The following SLC22A7 variants were observed in gnomAD, a reference collection of about 807,000 sequenced individuals.
SLC22A7 encodes hOAT2.
A neutral mutation model predicts 62.2 loss-of-function variants in SLC22A7; 48 were observed. The observed-to-expected ratio is 0.77, with a 90% CI of 0.61 to 0.98. SLC22A7 has a LOEUF of 0.98. Among genes scored for constraint, SLC22A7 ranks in the 50% least tolerant of loss-of-function variants. The pLI is 0.00. For synonymous variants in SLC22A7, 276 were observed against 314.8 expected (o/e 0.88, Z 1.30); for missense variants, 581 against 703.8 (o/e 0.83, Z 1.97).
chr6:43,304,461 T>C, intron 10 of SLC22A7: 2 of 587,830 alleles, frequency 3.4e-6, no homozygotes, highest in Non-Finnish European at 5.9e-6. Context: ...TGAACACAAA[T>C]ACATAAGGTT....
upstream of SLC22A7, among the ~76,000 whole-genome samples, chr6:43,296,002 T>G (rs932834677): frequency 6.6e-6 from 1 of 152,208 alleles, no homozygotes; most frequent in African/African-American, 2.4e-5. Context: ...ACCTCCCAGA[T>G]TCAAGCAATT....
At chr6:43,304,484 G>T (rs955431309) in intron 10 of SLC22A7, 187 bp from the exon 11 acceptor site, 1 of 599,516 alleles carries the variant, frequency 1.7e-6, no homozygotes, top group African/African-American at 1.9e-5. Context: ...TCAGGAAGAT[G>T]TGTATGTGTG....
rs536371304 is a variant in SLC22A7 at position 43,298,630 on chromosome 6, A to G, written c.272A>G (p.Asn91Ser). 2.5e-6 allele frequency: 4 copies of G among 1,595,786 alleles called. No homozygotes were observed. The highest frequency in any genetic ancestry group is 2.3e-5 in the South Asian group (2 of 88,074). The change falls in exon 1 of 11, where the codon AAC becomes AGC. Residue 91 changes from asparagine to serine, a missense_variant. Asn to Ser is a conservative substitution (Grantham distance 46). Transcript: ENST00000372585. ...LRFAYPQALP[N>S]TTLGEERQSR... ...TTTGCCTATCCCCAGGCTCTCCCCAACACCACGTTGGGGGAAGAAAGGCAG... is the reference window on the plus strand; with the variant it reads ...TTTGCCTATCCCCAGGCTCTCCCCAGCACCACGTTGGGGGAAGAAAGGCAG...
chr6:43,302,478 C>A lies in SLC22A7; in HGVS notation c.1276+64C>A. 7.1e-7 allele frequency: 1 copy of A among 1,406,078 alleles called. No individual in the cohort carries two copies. The highest frequency in any genetic ancestry group is 9.6e-7 in the Non-Finnish European group (1 of 1,046,044). 87.1% of individuals were successfully genotyped at this position (1,406,078 alleles called of 1,614,324 possible). A position where few individuals can be genotyped will look rare whatever the true frequency, so the allele number is the denominator to read the frequency against. ...CGGGCCAGGAACCCTGCCCACTCCC[C>A]GGAGACCCCACCTCCTGGCCAAGAA... On this transcript the variant is annotated intron_variant, in intron 8 of 10. Coordinates refer to ENST00000372585, the MANE Select transcript of SLC22A7 (RefSeq NM_153320.2). The surrounding 1 kb of genome is among the most constrained non-coding windows in gnomAD (Gnocchi z 5.0).
At position 43,301,703 on chromosome 6, in the gene SLC22A7, T is replaced by C; in HGVS notation, c.1061+11T>C. 1 of 1,595,314 alleles carries C rather than the reference T, an allele frequency of 6.3e-7. No individual in the cohort carries two copies. Among genetic ancestry groups the C allele is most frequent in the Non-Finnish European group, 8.6e-7 (1 of 1,166,302 alleles). On this transcript the variant is annotated intron_variant, in intron 7 of 10. Coordinates refer to ENST00000372585, the MANE Select transcript of SLC22A7 (RefSeq NM_153320.2). ...CTGCGTGGTGGTGTGGTGAGGAGGC[T>C]GGCTTGGGTCTGGCATGGGTGTGGT...
At chr6:43,304,290 T>C (rs755479736) in intron 10 of SLC22A7, 46 bp downstream of exon 10, 4 of 1,408,596 alleles carry the variant, frequency 2.8e-6, no homozygotes, top group South Asian at 1.5e-5. Flanking sequence ...AACATGCATA[T>C]GGATGCAGGT....
At position 43,304,206 on chromosome 6, in the gene SLC22A7, A is replaced by G; in HGVS notation, c.1554A>G (p.Ala518=). ...TALLLPETRQ[A]QLPETIQDVE... is the part of the protein sequence containing the mutation. ...TCCTGCTGCCAGAGACGAGGCAGGC[A>G]CAGCTGCCAGAGACCATCCAGGACG... The change falls in exon 10 of 11, where the codon GCA becomes GCG. Residue 518 remains alanine, a synonymous_variant. Transcript: ENST00000372585. 6.3e-7 allele frequency: 1 copy of G among 1,586,818 alleles called. No individual in the cohort carries two copies. Among genetic ancestry groups the G allele is most frequent in the Admixed American group, 1.7e-5 (1 of 57,978 alleles).
chr6:43,303,155 G>T, intron 9 of SLC22A7: 1 of 985,316 alleles, frequency 1.0e-6, no homozygotes, highest in Non-Finnish European at 1.2e-6. Context: ...TCCTCTCTGG[G>T]CCTCCTTAAG....
In SLC22A7 at chr6:43,298,482, G is replaced by C. The variant is rs769562599; in HGVS notation, c.124G>C (p.Ala42Pro). ...PLHFLLPIFL[A>P]AVPAHRCALP... is the part of the protein sequence containing the mutation. ...GCACTTCCTCCTGCCCATCTTCCTG[G>C]CTGCCGTGCCTGCCCACCGATGTGC... The change falls in exon 1 of 11, where the codon GCT becomes CCT. Residue 42 changes from alanine to proline, a missense_variant. Coordinates refer to ENST00000372585, the MANE Select transcript of SLC22A7 (RefSeq NM_153320.2). 1.2e-6 allele frequency: 2 copies of C among 1,613,560 alleles called. No homozygotes were observed. Among genetic ancestry groups the C allele is most frequent in the Non-Finnish European group, 1.7e-6 (2 of 1,180,024 alleles).
At chr6:43,297,750 G>A (rs941338850), upstream of SLC22A7, among the ~76,000 whole-genome samples, 5 of 152,206 alleles carry the variant, frequency 3.3e-5, no homozygotes, top group Admixed American at 6.5e-5. Context: ...CAAGTTGCCC[G>A]GTGTGATCAC....
chr6:43,300,219 C>G lies in SLC22A7; in HGVS notation c.827+153C>G, dbSNP rs70953681. 1.2e-3 allele frequency: 914 copies of G among 732,492 alleles called. 9 individuals carry two copies. The African/African-American group carries it at 0.015, about 12-fold the overall frequency. 45.4% of individuals were successfully genotyped at this position (732,492 alleles called of 1,614,324 possible). The stretch of plus-strand genomic sequence containing the variant: ...AGAAAGAGACACAGAGAAAAAGAGA[C>G]AGAGAGACAGAGATCAACAGAAAGA... On this transcript the variant is annotated intron_variant, in intron 5 of 10. Coordinates refer to ENST00000372585, the MANE Select transcript of SLC22A7 (RefSeq NM_153320.2).
chr6:43,304,586 C>A, intron 10 of SLC22A7, 85 bp from the exon 11 acceptor site: 1 of 1,210,092 alleles, frequency 8.3e-7, no homozygotes, highest in Non-Finnish European at 1.2e-6. Flanking sequence ...CTGGGGTGAG[C>A]CCTGGGACAG....
chr6:43,298,813 G>C (rs1253095684), intron 1 of SLC22A7, 62 bp downstream of exon 1: 2 of 1,513,050 alleles, frequency 1.3e-6, no homozygotes, highest in Non-Finnish European at 1.8e-6. Context: ...GCCTTGGGTG[G>C]TTACTGTGTA....
chr6:43,301,349 T>C (rs1199463557), intron 6 of SLC22A7, 91 bp downstream of exon 6: 3 of 1,566,260 alleles, frequency 1.9e-6, no homozygotes, highest in Non-Finnish European at 2.6e-6. Context: ...CCACCATATA[T>C]GGCAGGAAAA....
intron 10 of SLC22A7, chr6:43,304,455 C>G: frequency 1.7e-6 from 1 of 589,038 alleles, no homozygotes; most frequent in East Asian, 3.0e-5. Flanking sequence ...AGTGTATGAA[C>G]ACAAATACAT....
Position 43,302,166 on chromosome 6 carries a change from AG to A in SLC22A7, c.1062-31del, listed in dbSNP as rs1359403293. On this transcript the variant is annotated intron_variant, in intron 7 of 10. Coordinates refer to ENST00000372585, the MANE Select transcript of SLC22A7 (RefSeq NM_153320.2). This position sits in a 1 kb window ranked among gnomAD's most constrained non-coding sequence, Gnocchi z 5.0. ...GAGAGGCCAAAGAGGGATGGGAAGG[AG>A]GGTCCGCCAAGTGGCACTGAGACTC... 3 of 1,521,514 alleles carry A rather than the reference AG, an allele frequency of 2.0e-6. No individual in the cohort carries two copies. In the African/African-American group the frequency reaches 4.1e-5, roughly 21 times the overall value. The allele number at this position is 1,521,514 out of a possible 1,614,324, so 94.3% of individuals were successfully genotyped here.
At chr6:43,301,279 G>A in intron 6 of SLC22A7, 21 bp downstream of exon 6, 2 of 1,613,870 alleles carry the variant, frequency 1.2e-6, no homozygotes, top group Non-Finnish European at 1.7e-6. Flanking sequence ...ACGTGTGTGT[G>A]AGCATGCATA....
chr6:43,301,115 G>A lies in SLC22A7; in HGVS notation c.828-20G>A, dbSNP rs1238101563. 1 of 1,614,072 alleles carries A rather than the reference G, an allele frequency of 6.2e-7. No homozygotes were observed. Among genetic ancestry groups the A allele is most frequent in the Admixed American group, 1.7e-5 (1 of 60,018 alleles). On this transcript the variant is annotated intron_variant, in intron 5 of 10. Transcript: ENST00000372585. The stretch of plus-strand genomic sequence containing the variant: ...TAGGGTCATGACTTTCTGGCTGATG[G>A]ACCTTCTGCCTATTCCTAGGTGGGT...
upstream of SLC22A7, among the ~76,000 whole-genome samples, chr6:43,297,453 G>A (rs1018282023): frequency 5.9e-5 from 9 of 152,202 alleles, no homozygotes; most frequent in African/African-American, 2.2e-4. Flanking sequence ...GACCATGATT[G>A]AGAATTGAGT....
Sources: gnomAD v4.1 joint callset for allele counts (sites outside exome capture counted in the v4.1 genomes callset) on GRCh38, gnomAD v4.1.1 for gene constraint, Gnocchi (gnomAD v3.1) non-coding constraint, MANE v1.5 for transcripts, NCBI Gene and HGNC (gene_info 2026-07-23, HGNC 2026-07-21) for gene names.